Variants in TTC21B observed in about 807,000 individuals in gnomAD.
The protein encoded by TTC21B is tetratricopeptide repeat domain 21B.
TTC21B carries 127 observed loss-of-function variants against 175.1 expected under a neutral mutation model. That is an observed-to-expected ratio of 0.73 (90% CI 0.63 to 0.84). The LOEUF (loss-of-function observed/expected upper bound fraction) is 0.84. TTC21B is among the 40% of genes least tolerant of loss of function. The pLI is 0.00. For synonymous variants in TTC21B, 524 were observed against 524.5 expected, an observed-to-expected ratio of 1.00 and a Z score of 0.01; for missense variants, 1,561 against 1,558.3, an observed-to-expected ratio of 1.00 and a Z score of -0.03.
chr2:165,948,908 C>T (rs1687675198), intron 3 of TTC21B: 1 of 157,576 alleles, frequency 6.3e-6, no homozygotes, highest in Non-Finnish European at 1.4e-5. Flanking sequence ...ATAATCTAGT[C>T]AGAATCTAGT....
intron 20 of TTC21B, 28 bp downstream of exon 20, chr2:165,901,694 G>T (rs1473599683): frequency 2.5e-6 from 4 of 1,587,084 alleles, no homozygotes. Context: ...GGAATAAAAG[G>T]TATTTAAAAT....
In TTC21B at chr2:165,890,461, A is replaced by C. The variant is rs771551694; in HGVS notation, c.3263+18T>G. The C allele has an allele frequency of 1.4e-5, 22 of 1,612,148 alleles. No individual in the cohort carries two copies. The highest frequency in any genetic ancestry group is 1.8e-5 in the Non-Finnish European group (21 of 1,178,656). ...AACAAGTGTTTTTTAAAAAAGGATA[A>C]TATGTCAAATAACTCACCCCAGGTC... On this transcript the variant is annotated intron_variant, in intron 24 of 28. Coordinates refer to ENST00000243344, the MANE Select transcript of TTC21B (RefSeq NM_024753.5).
At chr2:165,952,419 T>A (rs897340419) in intron 1 of TTC21B, among the ~76,000 whole-genome samples, 50 of 152,156 alleles carry the variant, frequency 3.3e-4, no homozygotes, top group African/African-American at 1.2e-3. Flanking sequence ...ATGTGTACTA[T>A]CTGGCCCTTT....
chr2:165,892,734 ACTGG>A (rs1685238182), intron 22 of TTC21B, among the ~76,000 whole-genome samples: 1 of 152,192 alleles, frequency 6.6e-6, no homozygotes, highest in Non-Finnish European at 1.5e-5. Flanking sequence ...GGAACGAGGA[ACTGG>A]TGTACAGACT....
intron 12 of TTC21B, among the ~76,000 whole-genome samples, chr2:165,921,175 T>C (rs1450354414): frequency 6.6e-6 from 1 of 152,090 alleles, no homozygotes; most frequent in Admixed American, 6.6e-5. Context: ...ACCAACCCTG[T>C]GATTAGAGGG....
intron 11 of TTC21B, among the ~76,000 whole-genome samples, chr2:165,925,876 T>C (rs571047626): frequency 1.6e-4 from 24 of 152,226 alleles, no homozygotes; most frequent in South Asian, 2.1e-4. Context: ...TAAGTAAAAA[T>C]AGTGAAAGTG....
chr2:165,929,314 C>G lies in TTC21B; in HGVS notation c.1207G>C (p.Val403Leu), dbSNP rs758444053. The G allele has an allele frequency of 5.0e-6, 8 of 1,609,016 alleles. No individual in the cohort carries two copies. The highest frequency in any genetic ancestry group is 6.8e-6 in the Non-Finnish European group (8 of 1,176,404). The change falls in exon 11 of 29, where the codon GTT becomes CTT. Residue 403 changes from valine to leucine, a missense_variant. By Grantham distance (32) the Val-to-Leu change is conservative. Coordinates refer to ENST00000243344, the MANE Select transcript of TTC21B (RefSeq NM_024753.5). ...KSAELIYLHA[V>L]LAMKKNKRQE... ...CGTTTATTTTTCTTCATGGCAAGAA[C>G]TGCATGTAAATAGATTAATTCCTAG...
intron 12 of TTC21B, among the ~76,000 whole-genome samples, chr2:165,923,995 T>C (rs1421063327): frequency 6.6e-6 from 1 of 152,058 alleles, no homozygotes; most frequent in Non-Finnish European, 1.5e-5. Context: ...TCAAGTAATC[T>C]GCTCGCTTTG....
chr2:165,950,123 TTA>T (rs963252013), intron 1 of TTC21B, among the ~76,000 whole-genome samples: 1 of 2,814 alleles, frequency 3.6e-4, no homozygotes. Context: ...ATAGGTTTCT[TTA>T]AAAAAAAAAA....
intron 12 of TTC21B, 135 bp from the exon 13 acceptor site, chr2:165,919,568 A>G: frequency 1.1e-6 from 1 of 925,384 alleles, no homozygotes; most frequent in Non-Finnish European, 1.7e-6. Flanking sequence ...TTCATAGGCC[A>G]TGGTTTAATT....
Position 165,901,756 on chromosome 2 carries a change from C to A in TTC21B, c.2723G>T (p.Arg908Ile). 6.2e-7 allele frequency: 1 copy of A among 1,614,142 alleles called. No individual in the cohort carries two copies. Among genetic ancestry groups the A allele is most frequent in the South Asian group, 1.1e-5 (1 of 91,082 alleles). ...RDYEKAIKFY[R>I]EALVHCETDN... ...TGTTTCGCAGTGAACCAGAGCCTCT[C>A]TATAAAACTTAATTGCTTTTTCATA... The change falls in exon 20 of 29, where the codon AGA (arginine) becomes ATA (isoleucine). Residue 908 changes from arginine to isoleucine, a missense_variant. By Grantham distance (97) the Arg-to-Ile change is moderately conservative. Coordinates refer to ENST00000243344, the MANE Select transcript of TTC21B (RefSeq NM_024753.5).
intron 3 of TTC21B, chr2:165,947,193 T>TATATATATATATATATATATATA (rs61351063): frequency 4.2e-4 from 57 of 134,666 alleles, no homozygotes; most frequent in African/African-American, 7.5e-4. Context: ...TATATATATA[T>TATATATATATATATATATATATA]TAGTATCTGC....
chr2:165,876,273 C>G, intron 27 of TTC21B, 41 bp from the exon 28 acceptor site: 1 of 1,219,692 alleles, frequency 8.2e-7, no homozygotes, highest in Non-Finnish European at 1.2e-6. Context: ...ATGGAGTACA[C>G]TGCTACTATT....
chr2:165,922,918 G>T (rs1048083392), intron 12 of TTC21B, among the ~76,000 whole-genome samples: 12 of 152,126 alleles, frequency 7.9e-5, no homozygotes, highest in Non-Finnish European at 4.4e-5. Context: ...AAAAAGTAAT[G>T]AAATAACGTG....
At position 165,883,786 on chromosome 2, in the gene TTC21B, T is replaced by C. The variant is rs373955678; in HGVS notation, c.3684+8A>G. The stretch of plus-strand genomic sequence containing the variant: ...TCAATAATTATTTTTTACTCTTCAA[T>C]CACCTACTCTATTATGACGCAGGCA... On this transcript the variant is annotated splice_region_variant and intron_variant, in intron 26 of 28. Transcript: ENST00000243344. 2.0e-5 allele frequency: 32 copies of C among 1,606,748 alleles called. No homozygotes were observed. Among genetic ancestry groups the C allele is most frequent in the Non-Finnish European group, 2.6e-5 (31 of 1,173,448 alleles).
At chr2:165,911,911 C>A (rs1332180841) in intron 17 of TTC21B, among the ~76,000 whole-genome samples, 1 of 152,098 alleles carries the variant, frequency 6.6e-6, no homozygotes. Context: ...TTGATCCACC[C>A]GTCTTGGCCT....
In TTC21B at chr2:165,952,852, T is replaced by C. The variant is rs187423987; in HGVS notation, c.21+833A>G. Among the ~76,000 whole-genome samples the C allele has an allele frequency of 2.6e-5, 4 of 152,332 alleles. No individual in the cohort carries two copies. In the East Asian group the frequency reaches 7.7e-4, roughly 29 times the overall value. On this transcript the variant is annotated intron_variant, in intron 1 of 28. Transcript: ENST00000243344. ...TCCTACTCAAATGTAAGCTCCAAGA[T>C]TGGAAGAGTTTTTCTTGGTTTTATT...
In TTC21B at chr2:165,949,641, A is replaced by C. The variant is rs750039189; in HGVS notation, c.105T>G (p.Ser35Arg). ...VASEGIKRYG[S>R]DPVFRFYHAY... ...CATGATAAAACCTGAAGACTGGATCACTTCCATACCTCTTAATTCCTTCAC... is the reference window on the plus strand; with the variant it reads ...CATGATAAAACCTGAAGACTGGATCCCTTCCATACCTCTTAATTCCTTCAC... Residue 35 changes from serine (S) to arginine (R), a missense_variant, in exon 2 of 29, where the codon AGT becomes AGG. By Grantham distance (110) the Ser-to-Arg change is moderately radical. Transcript: ENST00000243344. 1.9e-6 allele frequency: 3 copies of C among 1,613,652 alleles called. No individual in the cohort carries two copies. In the South Asian group the frequency reaches 3.3e-5, roughly 18 times the overall value.
intron 3 of TTC21B, chr2:165,949,022 T>C (rs763933859): frequency 7.2e-5 from 19 of 262,310 alleles, no homozygotes; most frequent in African/African-American, 2.7e-4. Flanking sequence ...ATAAACTGCA[T>C]TGGCTGTATA....
Sources: allele counts gnomAD v4.1 joint callset (sites outside exome capture counted in the v4.1 genomes callset), GRCh38; gene constraint gnomAD v4.1.1; transcripts MANE v1.5; gene names NCBI Gene and HGNC (gene_info 2026-07-23, HGNC 2026-07-21).